Variants in PCMT1 observed in about 807,000 individuals in gnomAD.
PCMT1 encodes protein-L-isoaspartate(D-aspartate) O-methyltransferase.
PCMT1 carries 9 observed loss-of-function variants against 29.2 expected under a neutral mutation model. The observed-to-expected ratio is 0.31, with a 90% confidence interval of 0.19 to 0.54. The LOEUF (loss-of-function observed/expected upper bound fraction) is 0.54, where lower values mean the gene tolerates loss of function less well. Ranked by LOEUF, PCMT1 falls within the 20% of genes least tolerant of loss-of-function variation. The probability of loss-of-function intolerance (pLI) is 0.95; values close to 1 mark genes in which losing one functional copy is unlikely to be tolerated. For missense variants in PCMT1, 184 were observed against 282.2 expected (o/e 0.65, Z 2.49); for synonymous variants, 98 against 97.5 (o/e 1.00, Z -0.03).
At chr6:149,808,335 A>T (rs1776068381) in intron 7 of PCMT1, among the ~76,000 whole-genome samples, 1 of 152,142 alleles carries the variant, frequency 6.6e-6, no homozygotes, top group Non-Finnish European at 1.5e-5. Context: ...TGTAAGTCAG[A>T]TAAAGAAATG....
chr6:149,773,781 C>T (rs1020091095), intron 3 of PCMT1, among the ~76,000 whole-genome samples: 9 of 152,154 alleles, frequency 5.9e-5, no homozygotes, highest in South Asian at 2.1e-4. Flanking sequence ...ATTTAGTAGA[C>T]AGTTAATTAA....
chr6:149,775,374 T>G (rs1176868772), intron 3 of PCMT1, among the ~76,000 whole-genome samples: 1 of 151,932 alleles, frequency 6.6e-6, no homozygotes, highest in Non-Finnish European at 1.5e-5. Context: ...ATATCTAGGA[T>G]TTTTGCGGAG....
intron 6 of PCMT1, chr6:149,797,255 C>T (rs979807548): frequency 6.6e-6 from 1 of 151,852 alleles, no homozygotes; most frequent in South Asian, 2.1e-4. Flanking sequence ...GGGAAATTAG[C>T]GATATGATAA....
intron 3 of PCMT1, among the ~76,000 whole-genome samples, chr6:149,787,742 CCA>C (rs1428558574): frequency 6.6e-6 from 1 of 152,132 alleles, no homozygotes; most frequent in Non-Finnish European, 1.5e-5. Flanking sequence ...GTACTTTTGT[CCA>C]CACAGTCTTA....
intron 1 of PCMT1, among the ~76,000 whole-genome samples, chr6:149,769,305 A>ATTT (rs1234622188): frequency 1.5e-4 from 7 of 48,094 alleles, no homozygotes; most frequent in African/African-American, 1.0e-3. Flanking sequence ...TTTGTGCAGG[A>ATTT]TTCTTTTTTT....
chr6:149,766,193 T>A (rs1787076853), intron 1 of PCMT1, among the ~76,000 whole-genome samples: 1 of 152,114 alleles, frequency 6.6e-6, no homozygotes, highest in South Asian at 2.1e-4. Context: ...GTCTTTGCTA[T>A]ACAATTGGGT....
intron 3 of PCMT1, among the ~76,000 whole-genome samples, chr6:149,789,711 C>T (rs1345500556): frequency 9.8e-6 from 1 of 101,700 alleles, no homozygotes; most frequent in African/African-American, 7.0e-5. Context: ...AATTTTTTTA[C>T]TGAATTAATT....
intron 3 of PCMT1, among the ~76,000 whole-genome samples, chr6:149,774,705 C>CTTT (rs35453827): frequency 3.3e-5 from 4 of 119,650 alleles, no homozygotes; most frequent in African/African-American, 6.5e-5. Flanking sequence ...ACCTGGCTAA[C>CTTT]TTTTTTTTTT....
intron 3 of PCMT1, among the ~76,000 whole-genome samples, chr6:149,773,746 A>G (rs931940509): frequency 2.0e-5 from 3 of 152,200 alleles, no homozygotes; most frequent in Non-Finnish European, 4.4e-5. Flanking sequence ...TATCTGTGAC[A>G]TGTAAAAATT....
intron 1 of PCMT1, among the ~76,000 whole-genome samples, chr6:149,765,519 T>A (rs1017770349): frequency 2.0e-5 from 3 of 152,154 alleles, no homozygotes; most frequent in Middle Eastern, 3.4e-3. Context: ...TATAAGTTTG[T>A]CTTTGCTAGT....
At chr6:149,789,614 AC>A (rs1441985503) in intron 3 of PCMT1, among the ~76,000 whole-genome samples, 1 of 152,164 alleles carries the variant, frequency 6.6e-6, no homozygotes, top group African/African-American at 2.4e-5. Flanking sequence ...GTCACAAGAA[AC>A]TAGTAATATT....
intron 3 of PCMT1, among the ~76,000 whole-genome samples, chr6:149,785,296 A>T (rs1275897721): frequency 8.7e-6 from 1 of 115,194 alleles, no homozygotes; most frequent in African/African-American, 3.8e-5. Flanking sequence ...ATTTTTTTTT[A>T]ATTGTTCCAT....
intron 6 of PCMT1, among the ~76,000 whole-genome samples, chr6:149,800,386 T>A (rs533224798): frequency 6.6e-6 from 1 of 152,088 alleles, no homozygotes; most frequent in Non-Finnish European, 1.5e-5. Flanking sequence ...TGAGAATTGC[T>A]TGAACCTGGG....
intron 6 of PCMT1, chr6:149,797,416 G>C (rs1788661415): frequency 6.6e-6 from 1 of 152,282 alleles, no homozygotes; most frequent in Admixed American, 6.5e-5. Flanking sequence ...CGGGCATGGT[G>C]GCTCATGCAT....
At chr6:149,759,587 C>T (rs1786660332) in intron 1 of PCMT1, among the ~76,000 whole-genome samples, 2 of 152,130 alleles carry the variant, frequency 1.3e-5, no homozygotes, top group Admixed American at 6.6e-5. Context: ...CTCCGCCTCC[C>T]TTGTTCAAGT....
At chr6:149,794,810 GAGAGATCA>G (rs1788533618) in intron 5 of PCMT1, 2 of 485,508 alleles carry the variant, frequency 4.1e-6, no homozygotes, top group Admixed American at 4.6e-5. Context: ...TGAGGGACAT[GAGAGATCA>G]AGAGATAGAC....
chr6:149,756,461 A>C (rs1320796032), intron 1 of PCMT1, among the ~76,000 whole-genome samples: 1 of 138,482 alleles, frequency 7.2e-6, no homozygotes, highest in Non-Finnish European at 1.5e-5. Flanking sequence ...CGACTCCTCC[A>C]TCTCAGCCTC....
At chr6:149,750,132 T>A (rs1403215503) in intron 1 of PCMT1, 176 bp downstream of exon 1, 2 of 863,362 alleles carry the variant, frequency 2.3e-6, no homozygotes, top group Non-Finnish European at 3.4e-6. Flanking sequence ...CCTCGGGACC[T>A]GTCACTCGTC....
intron 1 of PCMT1, among the ~76,000 whole-genome samples, chr6:149,765,218 G>T (rs1385493007): frequency 6.7e-6 from 1 of 148,984 alleles, no homozygotes; most frequent in African/African-American, 2.5e-5. Flanking sequence ...AAATTAGCCG[G>T]GTGTGGTGGC....
Sources: allele counts gnomAD v4.1 joint callset (sites outside exome capture counted in the v4.1 genomes callset), GRCh38; gene constraint gnomAD v4.1.1; transcripts MANE v1.5; gene names NCBI Gene and HGNC (gene_info 2026-07-23, HGNC 2026-07-21).